Variants in SORBS2 observed in about 807,000 individuals in gnomAD.
SORBS2 encodes sorbin and SH3 domain containing 2.
A neutral mutation model predicts 97.7 loss-of-function variants in SORBS2; 46 were observed. That is an observed-to-expected ratio of 0.47 (90% CI 0.37 to 0.60). The LOEUF (loss-of-function observed/expected upper bound fraction) is 0.60. Ranked by LOEUF, SORBS2 falls within the 20% of genes least tolerant of loss-of-function variation. The probability of loss-of-function intolerance (pLI) is 0.00; values close to 1 mark genes in which losing one functional copy is unlikely to be tolerated. For synonymous variants in SORBS2, 476 were observed against 473.4 expected (o/e 1.01, Z -0.07); for missense variants, 1,316 against 1,282.3 (o/e 1.03, Z -0.40).
chr4:185,624,079 G>C (rs747714138), exon 7 of SORBS2: 5 of 1,614,052 alleles, frequency 3.1e-6, no homozygotes, highest in Non-Finnish European at 4.2e-6. Flanking sequence ...GGAACCCCGG[G>C]GCGTTGCGGG....
chr4:185,682,682 C>T (rs1425416180), intron 2 of SORBS2, among the ~76,000 whole-genome samples: 1 of 152,070 alleles, frequency 6.6e-6, no homozygotes, highest in Non-Finnish European at 1.5e-5. Context: ...CATATTAATG[C>T]TAACTTCTTT....
intron 2 of SORBS2, among the ~76,000 whole-genome samples, chr4:185,732,628 G>A (rs1023947204): frequency 5.9e-5 from 9 of 152,146 alleles, no homozygotes; most frequent in African/African-American, 2.2e-4. Flanking sequence ...GTTGGGTTTG[G>A]GAACCAAAGG....
At chr4:185,662,613 G>T (rs1183536524) in intron 4 of SORBS2, among the ~76,000 whole-genome samples, 1 of 152,214 alleles carries the variant, frequency 6.6e-6, no homozygotes, top group East Asian at 1.9e-4. Context: ...GAACACGGTG[G>T]TGCTGTTCCG....
chr4:185,643,731 G>A (rs2097165115), intron 4 of SORBS2, among the ~76,000 whole-genome samples: 1 of 152,132 alleles, frequency 6.6e-6, no homozygotes, highest in African/African-American at 2.4e-5. Context: ...AGATTCAAAA[G>A]AGCAACACAG....
At chr4:185,843,028 A>G (rs892758349) in intron 1 of SORBS2, among the ~76,000 whole-genome samples, 3 of 151,996 alleles carry the variant, frequency 2.0e-5, no homozygotes, top group African/African-American at 7.3e-5. Context: ...TCTGGGACTG[A>G]ATATGGAATT....
intron 1 of SORBS2, among the ~76,000 whole-genome samples, chr4:185,892,058 C>A (rs182735042): frequency 6.6e-6 from 1 of 152,136 alleles, no homozygotes; most frequent in African/African-American, 2.4e-5. Flanking sequence ...TGGTCTCGAT[C>A]TCCTGACCTC....
chr4:185,806,534 T>C (rs11936061), intron 1 of SORBS2, among the ~76,000 whole-genome samples: 1 of 133,756 alleles, frequency 7.5e-6, no homozygotes, highest in Non-Finnish European at 1.6e-5. Flanking sequence ...CTCGGCTCAC[T>C]GCAAGCTCCT....
Position 185,607,408 on chromosome 4 carries a change from A to C in SORBS2, c.2796+4372T>G. The C allele has an allele frequency of 2.2e-6, 2 of 916,422 alleles. No homozygotes were observed. The highest frequency in any genetic ancestry group is 3.1e-6 in the Non-Finnish European group (2 of 650,804). The allele number at this position is 916,422 out of a possible 1,614,324, so 56.8% of individuals were successfully genotyped here. The stretch of plus-strand genomic sequence containing the variant: ...AAAATAAACTAAGAAAATAATAATA[A>C]TGCATCAAAACATAGCGATGGAGAA... On this transcript the variant is annotated intron_variant, in intron 12 of 14. Transcript: ENST00000418609. The surrounding 1 kb of genome is among the most constrained non-coding windows in gnomAD (Gnocchi z 5.2).
intron 2 of SORBS2, among the ~76,000 whole-genome samples, chr4:185,699,832 GTAT>G (rs2098234014): frequency 1.3e-5 from 2 of 152,228 alleles, no homozygotes; most frequent in Admixed American, 6.5e-5. Flanking sequence ...ATTCAGAAAT[GTAT>G]TATTAATATT....
At chr4:185,949,322 C>G (rs1167401772) in intron 1 of SORBS2, among the ~76,000 whole-genome samples, 1 of 152,112 alleles carries the variant, frequency 6.6e-6, no homozygotes, top group African/African-American at 2.4e-5. Flanking sequence ...GGACTGGACC[C>G]GAGCAGAAAT....
chr4:185,596,205 A>G (rs1223667392), intron 12 of SORBS2, among the ~76,000 whole-genome samples: 2 of 152,228 alleles, frequency 1.3e-5, no homozygotes, highest in African/African-American at 4.8e-5. Context: ...CAACTTCTAC[A>G]TCATGGCATC....
chr4:185,603,688 A>G (rs2096330986), intron 12 of SORBS2, among the ~76,000 whole-genome samples: 2 of 152,218 alleles, frequency 1.3e-5, no homozygotes, highest in Admixed American at 1.3e-4. Flanking sequence ...CATTCTGAAC[A>G]TAGAAGGAAA....
At chr4:185,688,775 G>A (rs2098032817) in intron 2 of SORBS2, among the ~76,000 whole-genome samples, 1 of 115,980 alleles carries the variant, frequency 8.6e-6, no homozygotes, top group East Asian at 2.6e-4. Flanking sequence ...ATATTTAAAA[G>A]TGGTATGTTT....
At chr4:185,721,914 A>G (rs1396719840) in intron 2 of SORBS2, among the ~76,000 whole-genome samples, 2 of 152,218 alleles carry the variant, frequency 1.3e-5, no homozygotes, top group Non-Finnish European at 2.9e-5. Context: ...GTGAGAGTGC[A>G]CATATATACA....
chr4:185,829,473 G>T (rs901050705), intron 1 of SORBS2, among the ~76,000 whole-genome samples: 1 of 152,076 alleles, frequency 6.6e-6, no homozygotes, highest in Non-Finnish European at 1.5e-5. Flanking sequence ...AAAGTGAACA[G>T]AAATATTGGC....
intron 2 of SORBS2, among the ~76,000 whole-genome samples, chr4:185,698,161 G>T (rs75831877): frequency 0.19 from 29,419 of 152,060 alleles, 3,510 homozygotes; most frequent in South Asian, 0.37. Context: ...CTCCTTTAAG[G>T]AATCTTAAAA....
intron 2 of SORBS2, among the ~76,000 whole-genome samples, chr4:185,764,914 G>A (rs986457804): frequency 2.0e-5 from 3 of 152,084 alleles, no homozygotes; most frequent in Admixed American, 2.0e-4. Flanking sequence ...ATATTTATCA[G>A]TCCATATATT....
At chr4:185,892,953 A>G (rs1303153940) in intron 1 of SORBS2, among the ~76,000 whole-genome samples, 4 of 152,114 alleles carry the variant, frequency 2.6e-5, no homozygotes, top group Non-Finnish European at 5.9e-5. Flanking sequence ...ATGGGGAGAA[A>G]CCTTGAGCAA....
chr4:185,730,726 G>A (rs56054115), intron 2 of SORBS2, among the ~76,000 whole-genome samples: 1 of 152,176 alleles, frequency 6.6e-6, no homozygotes, highest in Non-Finnish European at 1.5e-5. Flanking sequence ...AAGGGAACAG[G>A]TCAGCCCCTA....
Sources: gnomAD v4.1 joint callset for allele counts (sites outside exome capture counted in the v4.1 genomes callset) on GRCh38, gnomAD v4.1.1 for gene constraint, Gnocchi (gnomAD v3.1) non-coding constraint, MANE v1.5 for transcripts, NCBI Gene and HGNC (gene_info 2026-07-23, HGNC 2026-07-21) for gene names.